ASPM: variants seen among roughly 807,000 people sequenced by gnomAD.
ASPM encodes abnormal spindle-like microcephaly-associated protein.
A neutral mutation model predicts 366.4 loss-of-function variants in ASPM; 256 were observed. The ratio of observed to expected loss-of-function variants is 0.70; its 90% CI spans 0.63 to 0.77. ASPM has a LOEUF of 0.77. Ranked by LOEUF, ASPM falls within the 30% of genes least tolerant of loss-of-function variation. The pLI, the probability that ASPM is intolerant of heterozygous loss-of-function variation, is 0.00. For synonymous variants in ASPM, 1,414 were observed against 1,342.9 expected (o/e 1.05, Z -1.16); for missense variants, 4,146 against 4,090.4 (o/e 1.01, Z -0.37).
intron 10 of ASPM, among the ~76,000 whole-genome samples, chr1:197,127,961 C>T (rs914179076): frequency 5.9e-5 from 9 of 151,930 alleles, no homozygotes; most frequent in African/African-American, 1.2e-4. Context: ...GTCAGAAGAT[C>T]GAGACCATCC....
At chr1:197,106,796 A>G (rs1571604243) in intron 17 of ASPM, among the ~76,000 whole-genome samples, 1 of 152,120 alleles carries the variant, frequency 6.6e-6, no homozygotes, top group African/African-American at 2.4e-5. Flanking sequence ...TCACTTAAAG[A>G]AAGGAACACT....
intron 1 of ASPM, among the ~76,000 whole-genome samples, chr1:197,144,999 G>A (rs1167737194): frequency 2.0e-5 from 3 of 152,148 alleles, no homozygotes; most frequent in Non-Finnish European, 4.4e-5. Flanking sequence ...GAAGTATTAT[G>A]TGGATAGAAA....
intron 4 of ASPM, among the ~76,000 whole-genome samples, chr1:197,138,445 C>T (rs966216263): frequency 1.3e-5 from 2 of 152,082 alleles, no homozygotes; most frequent in African/African-American, 2.4e-5. Flanking sequence ...CCACAGGTAC[C>T]GGCCACCAAG....
chr1:197,114,635 G>A (rs1324666539), intron 17 of ASPM, among the ~76,000 whole-genome samples: 1 of 152,174 alleles, frequency 6.6e-6, no homozygotes, highest in Non-Finnish European at 1.5e-5. Flanking sequence ...GTGCAGTGGT[G>A]CAATAATGGC....
chr1:197,143,071 T>C lies in ASPM; in HGVS notation c.1181A>G (p.Asn394Ser). The change falls in exon 3 of 28, where the codon AAT becomes AGT. Residue 394 changes from asparagine (N) to serine (S), a missense_variant. By Grantham distance (46) the Asn-to-Ser change is conservative. Around this residue, in one of 3 missense-constraint regions of ASPM, gnomAD observed 512 missense variants for 471.7 expected, o/e 1.09. Transcript: ENST00000367409. ...TGCCATGTTATCTTTTAAAAATTGA[T>C]TAGGGGATAAAATAGGATTAACTGA... ...SESVNPILSPNQFLKDNMAYM... is the reference protein window; with the variant it reads ...SESVNPILSPSQFLKDNMAYM... The C allele has an allele frequency of 2.5e-6, 4 of 1,612,922 alleles. 1 individual carries two copies. The South Asian group carries it at 4.4e-5, about 18-fold the overall frequency.
At position 197,146,567 on chromosome 1, in the gene ASPM, C is replaced by A. The variant is rs1658796013; in HGVS notation, c.-130G>T. 1.0e-6 allele frequency: 1 copy of A among 987,948 alleles called. No individual in the cohort carries two copies. Among genetic ancestry groups the A allele is most frequent in the Non-Finnish European group, 1.5e-6 (1 of 657,710 alleles). 61.2% of individuals were successfully genotyped at this position (987,948 alleles called of 1,614,324 possible). A position where few individuals can be genotyped will look rare whatever the true frequency, so the allele number is the denominator to read the frequency against. The stretch of plus-strand genomic sequence containing the variant: ...GTAGAGGTCGTGGGAGTGAATTCGG[C>A]CCTTTTTCTTTTCCACTAACCTACT... On this transcript the variant is annotated 5_prime_UTR_variant, in exon 1 of 28. Transcript: ENST00000367409.
chr1:197,086,972 C>G lies in ASPM; in HGVS notation c.10162G>C (p.Asp3388His). The G allele has an allele frequency of 1.2e-6, 2 of 1,605,998 alleles. No homozygotes were observed. Among genetic ancestry groups the G allele is most frequent in the Non-Finnish European group, 1.7e-6 (2 of 1,178,254 alleles). ...ACAACTTTGGACCTACTTCGTACAT[C>G]CTACAAAATAAAATGCACAGTTACT... ...ILLKTTNRASDVRSRSKVVDR... is the reference protein window; with the variant it reads ...ILLKTTNRASHVRSRSKVVDR... The change falls in exon 27 of 28, where the codon GAT (aspartate) becomes CAT (histidine). Residue 3388 changes from aspartate (D) to histidine (H), a missense_variant and splice_region_variant. By Grantham distance (81) the Asp-to-His change is moderately conservative. Transcript: ENST00000367409.
chr1:197,112,161 T>C (rs1031747476), intron 17 of ASPM, among the ~76,000 whole-genome samples: 22 of 152,298 alleles, frequency 1.4e-4, no homozygotes, highest in African/African-American at 5.1e-4. Context: ...ATATATACCA[T>C]GGAATACAAT....
Position 197,102,802 on chromosome 1 carries a change from C to T in ASPM, c.6449G>A (p.Cys2150Tyr). ...CATTTTACCTTGATAATATGCTCTA[C>T]ATCTTACTTGAATAACAATAGCTGC... is the stretch of plus-strand genomic sequence containing the variant. Reference protein sequence around the residue: ...RKAAIVIQVRCRAYYQGKMQR... With the variant: ...RKAAIVIQVRYRAYYQGKMQR... Residue 2150 changes from cysteine to tyrosine, a missense_variant, in exon 18 of 28, where the codon TGT becomes TAT. Transcript: ENST00000367409. 2 of 1,612,322 alleles carry T rather than the reference C, an allele frequency of 1.2e-6. No individual in the cohort carries two copies. Among genetic ancestry groups the T allele is most frequent in the South Asian group, 1.1e-5 (1 of 91,058 alleles).
At chr1:197,125,364 T>C (rs532661145) in intron 10 of ASPM, among the ~76,000 whole-genome samples, 173 bp from the exon 11 acceptor site, 76 of 152,214 alleles carry the variant, frequency 5.0e-4, no homozygotes, top group African/African-American at 1.8e-3. Flanking sequence ...GCAAGTAGAG[T>C]TCTTATTTTA....
intron 20 of ASPM, 146 bp from the exon 21 acceptor site, chr1:197,093,407 T>C (rs897811357): frequency 5.5e-5 from 43 of 783,124 alleles, no homozygotes; most frequent in Non-Finnish European, 8.0e-5. Context: ...GAAATGATGA[T>C]GAAGCATTAT....
At chr1:197,129,037 G>A in intron 9 of ASPM, 150 bp downstream of exon 9, 2 of 771,130 alleles carry the variant, frequency 2.6e-6, no homozygotes, top group South Asian at 2.0e-5. Context: ...ATTACTGATG[G>A]GACTCACCAG....
chr1:197,117,217 A>C (rs1657762326), intron 17 of ASPM, among the ~76,000 whole-genome samples: 1 of 152,102 alleles, frequency 6.6e-6, no homozygotes, highest in Non-Finnish European at 1.5e-5. Flanking sequence ...TATAAATAGT[A>C]AATTTAAATA....
rs1445505219 is a variant in ASPM, at chr1:197,100,921, C to G, written c.8330G>C (p.Cys2777Ser). The G allele has an allele frequency of 1.9e-6, 3 of 1,612,634 alleles. No individual in the cohort carries two copies. Among genetic ancestry groups the G allele is most frequent in the Non-Finnish European group, 2.5e-6 (3 of 1,179,198 alleles). ...TTCATACTGAGTTTTACTTCTGTAA[C>G]AGCAGAGTGCAGATTGGTTAACAAT... is the stretch of plus-strand genomic sequence containing the variant. ...AAIVNQSALC[C>S]YRSKTQYEAV... The change falls in exon 18 of 28, where the codon TGT (cysteine) becomes TCT (serine). Residue 2777 changes from cysteine (C) to serine (S), a missense_variant. Around this residue, in one of 3 missense-constraint regions of ASPM, gnomAD observed 3,624 missense variants for 3,591.7 expected, o/e 1.01. Coordinates refer to ENST00000367409, the MANE Select transcript of ASPM (RefSeq NM_018136.5).
At chr1:197,127,461 G>GA (rs1404181955) in intron 10 of ASPM, among the ~76,000 whole-genome samples, 2 of 152,088 alleles carry the variant, frequency 1.3e-5, no homozygotes, top group African/African-American at 2.4e-5. Flanking sequence ...AATACACAGA[G>GA]AAAAAAACTT....
chr1:197,097,966 GTA>G (rs1657032020), intron 18 of ASPM, among the ~76,000 whole-genome samples: 1 of 149,136 alleles, frequency 6.7e-6, no homozygotes, highest in Non-Finnish European at 1.5e-5. Context: ...TTATATATAT[GTA>G]TAGATATACG....
In ASPM at chr1:197,103,907, G is replaced by A; in HGVS notation, c.5344C>T (p.Gln1782Ter). ...GCTTTGTATGCATGATAGTAATTCT[G>A]AATGACAATAATTGCTTTATACATT... The part of the protein sequence containing the change: ...LKMYKAIIVI[Q>*]NYYHAYKAQV... The change falls in exon 18 of 28, where the codon CAG becomes TAG. Residue 1782 changes from glutamine (Q) to a stop codon, truncating the protein, a stop_gained. Transcript: ENST00000367409. LOFTEE classifies it high-confidence loss of function. 3 of 1,612,636 alleles carry A rather than the reference G, an allele frequency of 1.9e-6. No individual in the cohort carries two copies. The highest frequency in any genetic ancestry group is 2.5e-6 in the Non-Finnish European group (3 of 1,179,254).
rs774469798 is a variant in ASPM, at chr1:197,124,993, C to T, written c.3083-38G>A. The T allele has an allele frequency of 1.5e-5, 24 of 1,605,064 alleles. No individual in the cohort carries two copies. In the East Asian group the frequency reaches 4.2e-4, roughly 28 times the overall value. On this transcript the variant is annotated intron_variant, in intron 11 of 27. Coordinates refer to ENST00000367409, the MANE Select transcript of ASPM (RefSeq NM_018136.5). ...AGGTTGTCCATTAGCATAATGTACG[C>T]ACATATCAATATTCAGTGAGGAGAA...
At chr1:197,129,431 A>G in intron 8 of ASPM, 114 bp from the exon 9 acceptor site, 1 of 1,167,242 alleles carries the variant, frequency 8.6e-7, no homozygotes, top group Admixed American at 2.2e-5. Context: ...GTAGGGTAGC[A>G]AGCACAAATA....
Sources: gnomAD v4.1 joint callset for allele counts (sites outside exome capture counted in the v4.1 genomes callset) on GRCh38, gnomAD v4.1.1 for gene constraint, gnomAD v4.1.1 regional missense constraint, MANE v1.5 for transcripts, NCBI Gene and HGNC (gene_info 2026-07-23, HGNC 2026-07-21) for gene names.